The following DNAJB14 variants were observed in gnomAD, a reference collection of about 807,000 sequenced individuals.
The protein encoded by DNAJB14 is dnaJ homolog subfamily B member 14.
DNAJB14 carries 22 observed loss-of-function variants against 48.4 expected under a neutral mutation model. The observed-to-expected ratio is 0.45, with a 90% confidence interval of 0.32 to 0.65. DNAJB14 has a LOEUF of 0.65. DNAJB14 is among the 30% of genes least tolerant of loss of function. DNAJB14 has a pLI of 0.03. For missense variants in DNAJB14, 319 were observed against 458.8 expected (o/e 0.70, Z 2.78); for synonymous variants, 142 against 158.7 (o/e 0.89, Z 0.79).
intron 2 of DNAJB14, 46 bp downstream of exon 2, chr4:99,930,404 C>T (rs1726420693): frequency 1.3e-6 from 2 of 1,523,170 alleles, no homozygotes; most frequent in East Asian, 4.6e-5. Flanking sequence ...TCAAAAAGTA[C>T]ATTAATACCA....
intron 3 of DNAJB14, among the ~76,000 whole-genome samples, chr4:99,922,251 C>CT (rs1726088204): frequency 6.6e-6 from 1 of 152,136 alleles, no homozygotes; most frequent in African/African-American, 2.4e-5. Context: ...CTTCTTCTAC[C>CT]TTTTTGGAAG....
At chr4:99,902,669 T>G (rs1398751777) in intron 7 of DNAJB14, among the ~76,000 whole-genome samples, 1 of 152,184 alleles carries the variant, frequency 6.6e-6, no homozygotes, top group African/African-American at 2.4e-5. Flanking sequence ...TGTGAAGTAC[T>G]TTATTGCCTG....
chr4:99,939,512 T>C (rs529571773), intron 1 of DNAJB14, among the ~76,000 whole-genome samples: 46 of 152,336 alleles, frequency 3.0e-4, no homozygotes, highest in African/African-American at 1.0e-3. Context: ...ACATTTTCCA[T>C]GTTAACACCT....
chr4:99,922,879 G>A, intron 3 of DNAJB14, 161 bp downstream of exon 3: 1 of 743,274 alleles, frequency 1.3e-6, no homozygotes, highest in Non-Finnish European at 2.1e-6. Flanking sequence ...TTTGCCTTCG[G>A]GTATAACCAG....
intron 1 of DNAJB14, among the ~76,000 whole-genome samples, chr4:99,939,791 G>A (rs1325346845): frequency 1.3e-5 from 2 of 152,198 alleles, no homozygotes; most frequent in Non-Finnish European, 2.9e-5. Flanking sequence ...TGGAACTGAT[G>A]CCTAAGAAGA....
Position 99,896,884 on chromosome 4 carries a change from A to G in DNAJB14, c.*4144T>C, listed in dbSNP as rs1217411944. On this transcript the variant is annotated 3_prime_UTR_variant, in exon 8 of 8. Coordinates refer to ENST00000442697, the MANE Select transcript of DNAJB14 (RefSeq NM_001031723.4). Reference sequence around the variant, plus strand: ...TATGCAGTTACAAGACATCTTGGCAACTAGTCATCCCAGTTTTTACTAACT... The same window carrying G: ...TATGCAGTTACAAGACATCTTGGCAGCTAGTCATCCCAGTTTTTACTAACT... 1 of 152,140 alleles carries G rather than the reference A, an allele frequency of 6.6e-6. No individual in the cohort carries two copies. The highest frequency in any genetic ancestry group is 1.5e-5 in the Non-Finnish European group (1 of 67,966). The allele number at this position is 152,140 out of a possible 1,614,324, so 9.4% of individuals were successfully genotyped here. A position where few individuals can be genotyped will look rare whatever the true frequency, so the allele number is the denominator to read the frequency against.
chr4:99,919,575 C>T (rs964544835), intron 3 of DNAJB14, among the ~76,000 whole-genome samples: 1 of 144,144 alleles, frequency 6.9e-6, no homozygotes, highest in African/African-American at 2.7e-5. Context: ...CAGAGCAAGA[C>T]TCCATCTTAA....
intron 1 of DNAJB14, among the ~76,000 whole-genome samples, chr4:99,932,482 C>T (rs578212433): frequency 1.6e-4 from 25 of 152,230 alleles, no homozygotes; most frequent in African/African-American, 6.0e-4. Flanking sequence ...TTCAAACCCA[C>T]ATCCAAAAGA....
intron 1 of DNAJB14, among the ~76,000 whole-genome samples, chr4:99,943,625 A>C (rs1726957390): frequency 1.3e-5 from 2 of 152,150 alleles, no homozygotes; most frequent in Admixed American, 1.3e-4. Context: ...ACAGACGAAA[A>C]AGCTAAAGGC....
intron 6 of DNAJB14, 55 bp from the exon 7 acceptor site, chr4:99,903,953 C>T: frequency 6.6e-7 from 1 of 1,519,732 alleles, no homozygotes; most frequent in South Asian, 1.2e-5. Context: ...CAATATGCTG[C>T]TATAAACCAA....
chr4:99,936,865 T>A (rs1013664812), intron 1 of DNAJB14, among the ~76,000 whole-genome samples: 4 of 152,214 alleles, frequency 2.6e-5, no homozygotes, highest in African/African-American at 9.7e-5. Context: ...GAAGGAATTA[T>A]GGAATTAGAA....
rs1336736140 is a variant in DNAJB14 at position 99,900,000 on chromosome 4, G to C, written c.*1028C>G. 1.3e-5 allele frequency: 2 copies of C among 152,350 alleles called. No homozygotes were observed. Among genetic ancestry groups the C allele is most frequent in the South Asian group, 2.1e-4 (1 of 4,836 alleles). The allele number at this position is 152,350 out of a possible 1,614,324, so 9.4% of individuals were successfully genotyped here. A position where few individuals can be genotyped will look rare whatever the true frequency, so the allele number is the denominator to read the frequency against. On this transcript the variant is annotated 3_prime_UTR_variant, in exon 8 of 8. Coordinates refer to ENST00000442697, the MANE Select transcript of DNAJB14 (RefSeq NM_001031723.4). ...AACAGATCATGCTCTGATCAGATAA[G>C]TATACTGTAATCTACTTATATGTTT...
intron 1 of DNAJB14, among the ~76,000 whole-genome samples, chr4:99,940,600 T>C (rs1239658357): frequency 1.3e-5 from 2 of 151,882 alleles, no homozygotes; most frequent in Non-Finnish European, 1.5e-5. Flanking sequence ...CAAAAATAAA[T>C]AAATAAATAA....
intron 2 of DNAJB14, chr4:99,923,955 C>A (rs1726155141): frequency 8.6e-6 from 7 of 816,716 alleles, no homozygotes; most frequent in Non-Finnish European, 1.0e-5. Flanking sequence ...TTGTGATAAG[C>A]ACATTTCTAA....
chr4:99,924,644 A>G, intron 2 of DNAJB14: 1 of 1,339,658 alleles, frequency 7.5e-7, no homozygotes. Context: ...TTTGACATAT[A>G]TCTGTAAACA....
chr4:99,901,221 G>T, intron 7 of DNAJB14, 69 bp from the exon 8 acceptor site: 1 of 1,369,194 alleles, frequency 7.3e-7, no homozygotes, highest in Non-Finnish European at 9.8e-7. Context: ...AAGCTCAAGT[G>T]ATGCTTTACA....
chr4:99,946,426 G>A lies in DNAJB14; in HGVS notation c.133+13C>T, dbSNP rs1353916699. On this transcript the variant is annotated intron_variant, in intron 1 of 7. Transcript: ENST00000442697. Reference sequence around the variant, plus strand: ...GGGATTGGGCAGGAAGAGAAGGGACGCTGAGGTCTCACCGCGGGCCGAGGG... The same window carrying A: ...GGGATTGGGCAGGAAGAGAAGGGACACTGAGGTCTCACCGCGGGCCGAGGG... The A allele has an allele frequency of 1.9e-6, 3 of 1,605,932 alleles. No individual in the cohort carries two copies. Among genetic ancestry groups the A allele is most frequent in the Non-Finnish European group, 2.5e-6 (3 of 1,176,484 alleles).
intron 1 of DNAJB14, among the ~76,000 whole-genome samples, chr4:99,936,635 G>C (rs1363262852): frequency 6.6e-6 from 1 of 152,144 alleles, no homozygotes; most frequent in African/African-American, 2.4e-5. Context: ...CTGATTCCTA[G>C]GGCAGAGAAA....
intron 3 of DNAJB14, among the ~76,000 whole-genome samples, chr4:99,914,955 A>G (rs1026155749): frequency 1.3e-5 from 2 of 152,024 alleles, no homozygotes; most frequent in African/African-American, 4.8e-5. Context: ...TTTTCAGAGA[A>G]CCAGCTCTGT....
Sources: gnomAD v4.1 joint callset for allele counts (sites outside exome capture counted in the v4.1 genomes callset) on GRCh38, gnomAD v4.1.1 for gene constraint, MANE v1.5 for transcripts, NCBI Gene and HGNC (gene_info 2026-07-23, HGNC 2026-07-21) for gene names.